MINK1: variants seen among roughly 807,000 people sequenced by gnomAD.
MINK1 encodes the protein misshapen like kinase 1.
In MINK1, 46 loss-of-function variants were observed where a neutral mutation model predicts 178.4. The observed-to-expected ratio is 0.26, with a 90% CI of 0.20 to 0.33. MINK1 has a LOEUF of 0.33. Ranked by LOEUF, MINK1 falls within the 10% of genes least tolerant of loss-of-function variation. MINK1 has a pLI of 1.00. For synonymous variants in MINK1, 797 were observed against 709.7 expected (o/e 1.12, Z -1.96); for missense variants, 1,366 against 1,814.9 (o/e 0.75, Z 4.49).
Position 4,886,559 on chromosome 17 carries a change from G to T in MINK1, c.882G>T (p.Thr294=), listed in dbSNP as rs199645966. Reference sequence around the variant, plus strand: ...TTCCCTTCATCCGGGACCAGCCCACGGAGCGGCAGGTCCGCATCCAGCTTA... The same window carrying T: ...TTCCCTTCATCCGGGACCAGCCCACTGAGCGGCAGGTCCGCATCCAGCTTA... ...LKFPFIRDQP[T]ERQVRIQLKD... The change falls in exon 10 of 32, where the codon ACG becomes ACT. Residue 294 remains threonine, a synonymous_variant. Coordinates refer to ENST00000355280, the MANE Select transcript of MINK1 (RefSeq NM_153827.5). The surrounding 1 kb of genome is among the most constrained non-coding windows in gnomAD (Gnocchi z 6.1). 6.2e-7 allele frequency: 1 copy of T among 1,613,100 alleles called. No individual in the cohort carries two copies. Among genetic ancestry groups the T allele is most frequent in the Non-Finnish European group, 8.5e-7 (1 of 1,179,616 alleles).
intron 1 of MINK1, chr17:4,844,644 C>T (rs746908566): frequency 4.3e-6 from 2 of 463,412 alleles, no homozygotes; most frequent in Admixed American, 2.5e-5. Flanking sequence ...CCACGGGGCT[C>T]GTACCCAGAA....
intron 1 of MINK1, among the ~76,000 whole-genome samples, chr17:4,841,367 T>G (rs995109766): frequency 3.3e-5 from 5 of 152,108 alleles, no homozygotes; most frequent in Non-Finnish European, 7.4e-5. Flanking sequence ...TTTGAAGGGC[T>G]TGGGTTGCCG....
Position 4,887,035 on chromosome 17 carries a change from C to T in MINK1, c.950-75C>T. The T allele has an allele frequency of 6.8e-7, 1 of 1,479,778 alleles. No homozygotes were observed. Among genetic ancestry groups the T allele is most frequent in the South Asian group, 1.2e-5 (1 of 82,034 alleles). 91.7% of individuals were successfully genotyped at this position (1,479,778 alleles called of 1,614,324 possible). On this transcript the variant is annotated intron_variant, in intron 10 of 31. Transcript: ENST00000355280. This position sits in a 1 kb window ranked among gnomAD's most constrained non-coding sequence, Gnocchi z 7.6. ...GCCCAGCCAGAGAGACCTGGTTATCCCCACCCAAGGTTTCCCTAGCCCACG... is the reference window on the plus strand; with the variant it reads ...GCCCAGCCAGAGAGACCTGGTTATCTCCACCCAAGGTTTCCCTAGCCCACG...
chr17:4,883,702 T>TC (rs1432004127), intron 4 of MINK1, among the ~76,000 whole-genome samples: 1 of 148,222 alleles, frequency 6.7e-6, no homozygotes, highest in Non-Finnish European at 1.5e-5. Context: ...CGGCTACTTT[T>TC]TTTTTTTTTT....
At chr17:4,881,103 T>G in intron 3 of MINK1, 29 bp from the exon 4 acceptor site, 1 of 1,536,728 alleles carries the variant, frequency 6.5e-7, no homozygotes, top group Non-Finnish European at 8.7e-7. Context: ...TGGGGGAGTC[T>G]CAGGGCTCAG....
intron 13 of MINK1, 25 bp downstream of exon 13, chr17:4,889,788 G>GGCCCC: frequency 1.4e-6 from 2 of 1,431,756 alleles, no homozygotes; most frequent in Non-Finnish European, 1.9e-6. Context: ...CCGCATCCCT[G>GGCCCC]CCCTCCCGCC....
intron 1 of MINK1, chr17:4,875,475 A>T (rs1369617299): frequency 1.3e-5 from 6 of 453,590 alleles, no homozygotes; most frequent in Non-Finnish European, 2.6e-5. Context: ...ATCTGACTCT[A>T]AAAAAACAAA....
At chr17:4,856,850 G>A (rs561013744) in intron 1 of MINK1, 1 of 158,988 alleles carries the variant, frequency 6.3e-6, no homozygotes, top group South Asian at 2.0e-4. Flanking sequence ...CAACTACTGA[G>A]GGCCAGCTGC....
Position 4,887,184 on chromosome 17 carries a change from G to T in MINK1, c.1019+5G>T, listed in dbSNP as rs1355116042. Reference sequence around the variant, plus strand: ...TGGAGAGGAAGGAGAGCCAAGGTAGGCCTGGCAGGTGGAGTGGGGGTTGGG... The same window carrying T: ...TGGAGAGGAAGGAGAGCCAAGGTAGTCCTGGCAGGTGGAGTGGGGGTTGGG... On this transcript the variant is annotated splice_donor_5th_base_variant and intron_variant, in intron 11 of 31. Coordinates refer to ENST00000355280, the MANE Select transcript of MINK1 (RefSeq NM_153827.5). The surrounding 1 kb of genome is among the most constrained non-coding windows in gnomAD (Gnocchi z 7.6). 1 of 1,598,804 alleles carries T rather than the reference G, an allele frequency of 6.3e-7. No homozygotes were observed. The highest frequency in any genetic ancestry group is 8.5e-7 in the Non-Finnish European group (1 of 1,173,072).
At position 4,887,363 on chromosome 17, in the gene MINK1, G is replaced by C. The variant is rs1362079135; in HGVS notation, c.1019+184G>C. Among the ~76,000 whole-genome samples, 1 of 152,142 alleles carries C rather than the reference G, an allele frequency of 6.6e-6. No homozygotes were observed. The highest frequency in any genetic ancestry group is 2.1e-4 in the South Asian group (1 of 4,820). On this transcript the variant is annotated intron_variant, in intron 11 of 31. Transcript: ENST00000355280. The surrounding 1 kb of genome is among the most constrained non-coding windows in gnomAD (Gnocchi z 7.6). Reference sequence around the variant, plus strand: ...TGACTGAGCAAGAGCTGGGGAGAGAGCAATTTGTGGTGAATGTGGGGCGCA... The same window carrying C: ...TGACTGAGCAAGAGCTGGGGAGAGACCAATTTGTGGTGAATGTGGGGCGCA...
rs973222833 is a variant in MINK1 at position 4,894,790 on chromosome 17, C to G, written c.2917+157C>G. 2 of 655,752 alleles carry G rather than the reference C, an allele frequency of 3.0e-6. No homozygotes were observed. The highest frequency in any genetic ancestry group is 5.5e-5 in the East Asian group (2 of 36,644). 40.6% of individuals were successfully genotyped at this position (655,752 alleles called of 1,614,324 possible). ...TGGGCACAGAGGCAAGGAAGAGCCT[C>G]TGAGACCCCTCCTTCCTGTCCCACA... On this transcript the variant is annotated intron_variant, in intron 24 of 31. Transcript: ENST00000355280. The surrounding 1 kb of genome is among the most constrained non-coding windows in gnomAD (Gnocchi z 4.1).
At position 4,891,590 on chromosome 17, in the gene MINK1, ACCCACTGCCACG is replaced by A. The variant is rs1968822302; in HGVS notation, c.1880_1891del (p.Thr627_Pro630del). ...ATGACCCCGACCCTGCCATCCCCGCACCCACTGCCACGCCCAGTGCCCGAGGAGCTGTCATCC... is the reference window on the plus strand; with the variant it reads ...ATGACCCCGACCCTGCCATCCCCGCACCCAGTGCCCGAGGAGCTGTCATCC... On this transcript the variant is annotated inframe_deletion, in exon 16 of 32. Transcript: ENST00000355280. 6.2e-7 allele frequency: 1 copy of A among 1,603,928 alleles called. No individual in the cohort carries two copies. Among genetic ancestry groups the A allele is most frequent in the South Asian group, 1.1e-5 (1 of 89,264 alleles).
intron 20 of MINK1, 53 bp from the exon 21 acceptor site, chr17:4,893,381 A>G (rs1597578158): frequency 1.2e-6 from 2 of 1,603,446 alleles, no homozygotes; most frequent in Non-Finnish European, 1.7e-6. Flanking sequence ...CCCTTTGTCT[A>G]CCTCCACCCA....
intron 13 of MINK1, 47 bp from the exon 14 acceptor site, chr17:4,890,470 C>T: frequency 1.3e-6 from 2 of 1,545,436 alleles, no homozygotes; most frequent in Non-Finnish European, 1.8e-6. Context: ...GCTCTAACTC[C>T]CAGGGCCACA....
rs528848118 is a variant in MINK1, at chr17:4,887,845, G to A, written c.1230+55G>A. 223 of 1,354,322 alleles carry A rather than the reference G, an allele frequency of 1.6e-4. 3 individuals carry two copies. The East Asian group carries it at 3.1e-3, about 19-fold the overall frequency. The allele number at this position is 1,354,322 out of a possible 1,614,324, so 83.9% of individuals were successfully genotyped here. On this transcript the variant is annotated intron_variant, in intron 12 of 31. Coordinates refer to ENST00000355280, the MANE Select transcript of MINK1 (RefSeq NM_153827.5). The surrounding 1 kb of genome is among the most constrained non-coding windows in gnomAD (Gnocchi z 7.6). ...GCGCGGCCTCCTCCTGACCTGCCCC[G>A]GGTCCATTAGGGCCTTGGAGAACAG...
At position 4,896,743 on chromosome 17, in the gene MINK1, G is replaced by A; in HGVS notation, c.3845G>A (p.Gly1282Asp). Reference sequence around the variant, plus strand: ...ATTGAGATCCGCTCTGTGGAGACGGGCCACCTCGACGGGGTCTTCATGCAC... The same window carrying A: ...ATTGAGATCCGCTCTGTGGAGACGGACCACCTCGACGGGGTCTTCATGCAC... ...KAIEIRSVET[G>D]HLDGVFMHKR... Residue 1282 changes from glycine (G) to aspartate (D), a missense_variant, in exon 31 of 32, where the codon GGC becomes GAC. Physicochemically the swap from Gly to Asp is moderately conservative, Grantham distance 94. Transcript: ENST00000355280. The surrounding 1 kb of genome is among the most constrained non-coding windows in gnomAD (Gnocchi z 4.6). The A allele has an allele frequency of 6.2e-7, 1 of 1,602,794 alleles. No homozygotes were observed. Among genetic ancestry groups the A allele is most frequent in the Non-Finnish European group, 8.5e-7 (1 of 1,173,742 alleles).
chr17:4,841,699 G>A (rs1293651227), intron 1 of MINK1, among the ~76,000 whole-genome samples: 4 of 152,108 alleles, frequency 2.6e-5, no homozygotes, highest in Non-Finnish European at 5.9e-5. Context: ...TCCCTGTAAA[G>A]ATGCTGAGCA....
At position 4,894,081 on chromosome 17, in the gene MINK1, G is replaced by C. The variant is rs1380285470; in HGVS notation, c.2658G>C (p.Met886Ile). The change falls in exon 22 of 32, where the codon ATG (methionine) becomes ATC (isoleucine). Residue 886 changes from methionine to isoleucine, a missense_variant. Met to Ile is a conservative substitution (Grantham distance 10). This residue lies in a region of MINK1 where 709 missense variants were observed against 692.3 expected (regional missense o/e 1.02). Coordinates refer to ENST00000355280, the MANE Select transcript of MINK1 (RefSeq NM_153827.5). The surrounding 1 kb of genome is among the most constrained non-coding windows in gnomAD (Gnocchi z 4.1). ...GTQPPYGGGT[M>I]VVQRTPEEER... Reference sequence around the variant, plus strand: ...AGCCCCCATACGGGGGCGGCACCATGGTGGTCCAGCGCGTGAGTGAGCCTC... The same window carrying C: ...AGCCCCCATACGGGGGCGGCACCATCGTGGTCCAGCGCGTGAGTGAGCCTC... 6 of 1,590,574 alleles carry C rather than the reference G, an allele frequency of 3.8e-6. No homozygotes were observed. Among genetic ancestry groups the C allele is most frequent in the South Asian group, 1.1e-5 (1 of 89,066 alleles).
At chr17:4,857,133 T>C in intron 1 of MINK1, 1 of 254,088 alleles carries the variant, frequency 3.9e-6, no homozygotes, top group Non-Finnish European at 8.0e-6. Context: ...ACTGTTGTCA[T>C]CATTCAGGGA....
Sources: gnomAD v4.1 joint callset for allele counts (sites outside exome capture counted in the v4.1 genomes callset) on GRCh38, gnomAD v4.1.1 for gene constraint, gnomAD v4.1.1 regional missense constraint, Gnocchi (gnomAD v3.1) non-coding constraint, MANE v1.5 for transcripts, NCBI Gene and HGNC (gene_info 2026-07-23, HGNC 2026-07-21) for gene names.